ANKS1B: variants seen among roughly 807,000 people sequenced by gnomAD.
ANKS1B encodes ankyrin repeat and sterile alpha motif domain containing 1B, also known as ankyrin repeat and sterile alpha motif domain-containing protein 1B.
In ANKS1B, 36 loss-of-function variants were observed where a neutral mutation model predicts 148.3. That is an observed-to-expected ratio of 0.24 (90% confidence interval 0.19 to 0.32). The LOEUF (loss-of-function observed/expected upper bound fraction) is 0.32, where lower values mean the gene tolerates loss of function less well. Among genes scored for constraint, ANKS1B ranks in the 10% least tolerant of loss-of-function variants. The pLI is 1.00. For synonymous variants in ANKS1B, 542 were observed against 560.8 expected, an observed-to-expected ratio of 0.97 and a Z score of 0.47; for missense variants, 1,157 against 1,542.6, an observed-to-expected ratio of 0.75 and a Z score of 4.19.
chr12:99,934,984 T>C (rs908436828), intron 1 of ANKS1B, among the ~76,000 whole-genome samples: 1 of 152,170 alleles, frequency 6.6e-6, no homozygotes, highest in Non-Finnish European at 1.5e-5. Flanking sequence ...TAATTTTCAT[T>C]ATATACTATT....
At chr12:99,021,537 A>G (rs1026336712) in intron 17 of ANKS1B, among the ~76,000 whole-genome samples, 1 of 152,246 alleles carries the variant, frequency 6.6e-6, no homozygotes, top group Middle Eastern at 3.4e-3. Context: ...AGACAAATGA[A>G]TGATACTGTA....
chr12:99,639,291 T>A (rs899581088), intron 9 of ANKS1B, among the ~76,000 whole-genome samples: 3 of 152,218 alleles, frequency 2.0e-5, no homozygotes, highest in African/African-American at 7.2e-5. Context: ...AGTATCTGTA[T>A]CCCCATTGTA....
chr12:99,011,938 G>A (rs996580883), intron 17 of ANKS1B, among the ~76,000 whole-genome samples: 5 of 152,188 alleles, frequency 3.3e-5, no homozygotes, highest in African/African-American at 1.2e-4. Context: ...TTGTGAAATT[G>A]TGGAAGGAAG....
At chr12:99,658,744 T>C (rs2098461928) in intron 8 of ANKS1B, among the ~76,000 whole-genome samples, 1 of 152,128 alleles carries the variant, frequency 6.6e-6, no homozygotes, top group South Asian at 2.1e-4. Flanking sequence ...TCAAATTAAT[T>C]GCTTGACAGA....
At chr12:99,597,926 C>T (rs1228582327) in intron 9 of ANKS1B, among the ~76,000 whole-genome samples, 36 of 151,870 alleles carry the variant, frequency 2.4e-4, no homozygotes, top group Admixed American at 2.2e-3. Flanking sequence ...TTCCTTAAAC[C>T]AAGTGTTAAA....
chr12:98,746,698 C>A lies in ANKS1B; in HGVS notation c.3748-849G>T, dbSNP rs574865409. Among the ~76,000 whole-genome samples the A allele has an allele frequency of 4.6e-5, 7 of 152,218 alleles. No homozygotes were observed. In the South Asian group the frequency reaches 1.2e-3, roughly 27 times the overall value. On this transcript the variant is annotated intron_variant, in intron 26 of 26. Coordinates refer to ENST00000683438, the MANE Select transcript of ANKS1B (RefSeq NM_001352186.2). ...AAACGCAGAAAAGCTCCTGGCAACC[C>A]CGTAAATAATAGGCACACAATAAAT...
intron 17 of ANKS1B, among the ~76,000 whole-genome samples, chr12:98,904,910 A>G (rs2099776879): frequency 6.6e-6 from 1 of 152,096 alleles, no homozygotes; most frequent in African/African-American, 2.4e-5. Context: ...AAAGTTAAGT[A>G]ATTTTCCAAG....
chr12:98,860,307 A>G (rs573899419), intron 17 of ANKS1B, among the ~76,000 whole-genome samples: 9 of 152,372 alleles, frequency 5.9e-5, no homozygotes, highest in Admixed American at 2.0e-4. Flanking sequence ...CAGCTCTTCA[A>G]ACTGGGGCCT....
At chr12:99,258,615 T>TC (rs1566753464) in intron 12 of ANKS1B, among the ~76,000 whole-genome samples, 1 of 150,884 alleles carries the variant, frequency 6.6e-6, no homozygotes, top group Non-Finnish European at 1.5e-5. Flanking sequence ...CACTTGTTTT[T>TC]TTTTTTTTTT....
chr12:99,019,294 T>C (rs1361413655), intron 17 of ANKS1B, among the ~76,000 whole-genome samples: 5 of 152,220 alleles, frequency 3.3e-5, no homozygotes, highest in Admixed American at 2.6e-4. Flanking sequence ...ATGCATCTCA[T>C]GCAGTTAATA....
rs191480832 is a variant in ANKS1B at position 99,170,248 on chromosome 12, T to C, written c.2420-15853A>G. Among the ~76,000 whole-genome samples the C allele has an allele frequency of 1.4e-3, 213 of 152,356 alleles. 2 individuals carry two copies. The highest frequency in any genetic ancestry group is 5.0e-3 in the African/African-American group (207 of 41,580). On this transcript the variant is annotated intron_variant, in intron 14 of 26. Coordinates refer to ENST00000683438, the MANE Select transcript of ANKS1B (RefSeq NM_001352186.2). ...CTGCAATGCATGGATGCCTGTGCTA[T>C]GTGTCCAGAAGACAGCTGCCTTGAT... is the stretch of plus-strand genomic sequence containing the variant.
chr12:98,799,534 T>TG (rs1234073896), intron 21 of ANKS1B, among the ~76,000 whole-genome samples: 3 of 32,260 alleles, frequency 9.3e-5, no homozygotes, highest in African/African-American at 1.2e-4. Context: ...GATGGGAGGG[T>TG]GGGGGGAGGG....
chr12:98,765,902 T>G (rs1485367452), intron 25 of ANKS1B, among the ~76,000 whole-genome samples: 1 of 152,188 alleles, frequency 6.6e-6, no homozygotes, highest in Non-Finnish European at 1.5e-5. Flanking sequence ...GCCCATGGCA[T>G]TCTCGCCCAA....
chr12:98,914,265 T>C (rs1190273252), intron 17 of ANKS1B, among the ~76,000 whole-genome samples: 1 of 152,092 alleles, frequency 6.6e-6, no homozygotes, highest in Non-Finnish European at 1.5e-5. Flanking sequence ...TTTTCAGCCA[T>C]GATTGTAAGC....
chr12:99,881,922 G>A (rs2153738241), intron 1 of ANKS1B, among the ~76,000 whole-genome samples: 1 of 152,212 alleles, frequency 6.6e-6, no homozygotes, highest in Admixed American at 6.5e-5. Context: ...ATTACAAAGA[G>A]CCAGAAAAAT....
In ANKS1B at chr12:98,830,940, A is replaced by ATTTTTTTTTTTTTTTTTTTTTTTTT. The variant is rs762642387; in HGVS notation, c.2886+1064_2886+1088dup. 3 of 45,548 alleles carry ATTTTTTTTTTTTTTTTTTTTTTTTT rather than the reference A, an allele frequency of 6.6e-5. 1 individual carries two copies. The highest frequency in any genetic ancestry group is 1.2e-4 in the Non-Finnish European group (3 of 26,032). The allele number at this position is 45,548 out of a possible 1,614,324, so 2.8% of individuals were successfully genotyped here. A position where few individuals can be genotyped will look rare whatever the true frequency, so the allele number is the denominator to read the frequency against. On this transcript the variant is annotated intron_variant, in intron 18 of 26. Coordinates refer to ENST00000683438, the MANE Select transcript of ANKS1B (RefSeq NM_001352186.2). ...GTTCTCTTTAGTTTCCTACCTCATA[A>ATTTTTTTTTTTTTTTTTTTTTTTTT]TTTTTTTTTTTTTTTTTTTTTTTTT...
chr12:99,409,707 GGGA>G (rs1205509631), intron 11 of ANKS1B, among the ~76,000 whole-genome samples: 1 of 151,970 alleles, frequency 6.6e-6, no homozygotes, highest in Non-Finnish European at 1.5e-5. Context: ...TAACAGCAAT[GGGA>G]GAAAAGAATA....
At chr12:99,038,226 T>G (rs1158682447) in intron 17 of ANKS1B, among the ~76,000 whole-genome samples, 1 of 152,142 alleles carries the variant, frequency 6.6e-6, no homozygotes, top group Admixed American at 6.5e-5. Flanking sequence ...GTAGTTCAAT[T>G]TACCATGTCC....
rs115782310 is a variant in ANKS1B, at chr12:98,940,386, G to C, written c.2779-108250C>G. ...GTGAGGAGGGGGGTGCAGAGGGAGA[G>C]AGGAAGAGAGAAGAAAACTCCTTTC... is the stretch of plus-strand genomic sequence containing the variant. On this transcript the variant is annotated intron_variant, in intron 17 of 26. Transcript: ENST00000683438. Among the ~76,000 whole-genome samples the C allele has an allele frequency of 2.6e-3, 401 of 152,320 alleles. 3 individuals carry two copies. The highest frequency in any genetic ancestry group is 8.9e-3 in the African/African-American group (369 of 41,574).
Sources: gnomAD v4.1 joint callset for allele counts (sites outside exome capture counted in the v4.1 genomes callset) on GRCh38, gnomAD v4.1.1 for gene constraint, MANE v1.5 for transcripts, NCBI Gene and HGNC (gene_info 2026-07-23, HGNC 2026-07-21) for gene names.